Variants in DYNC1H1 observed in about 807,000 individuals in gnomAD.
DYNC1H1 encodes the protein dynein cytoplasmic 1 heavy chain 1.
A neutral mutation model predicts 527.1 loss-of-function variants in DYNC1H1; 51 were observed. The observed-to-expected ratio is 0.10, with a 90% CI of 0.08 to 0.12. The LOEUF (loss-of-function observed/expected upper bound fraction) is 0.12, where lower values mean the gene tolerates loss of function less well. DYNC1H1 is among the 10% of genes least tolerant of loss of function. DYNC1H1 has a pLI of 1.00. For synonymous variants in DYNC1H1, 2,189 were observed against 2,278.8 expected (o/e 0.96, Z 1.12); for missense variants, 2,771 against 5,971.8 (o/e 0.46, Z 17.66).
chr14:102,028,224 C>T (rs2048472065), intron 48 of DYNC1H1, 83 bp downstream of exon 48: 3 of 1,517,880 alleles, frequency 2.0e-6, no homozygotes, highest in Non-Finnish European at 1.8e-6. Context: ...TAAAAATAGA[C>T]CTTAAGGCCA....
chr14:102,036,671 C>CA lies in DYNC1H1; in HGVS notation c.10908+30dup. The CA allele has an allele frequency of 6.2e-7, 1 of 1,613,556 alleles. No individual in the cohort carries two copies. The highest frequency in any genetic ancestry group is 8.5e-7 in the Non-Finnish European group (1 of 1,179,726). On this transcript the variant is annotated intron_variant, in intron 57 of 77. Transcript: ENST00000360184. The surrounding 1 kb of genome is among the most constrained non-coding windows in gnomAD (Gnocchi z 5.6). ...GGTGTTGGCCTTTGAATTCTTGAAA[C>CA]ACTGCATTCAAGAGTGAATTCCTTT...
intron 72 of DYNC1H1, 187 bp from the exon 73 acceptor site, chr14:102,047,620 CGTGTGTGTGT>C (rs71116873): frequency 4.0e-5 from 13 of 324,306 alleles, no homozygotes; most frequent in East Asian, 2.8e-4. Flanking sequence ...TATATATACA[CGTGTGTGTGT>C]GTGTGTGTGT....
rs140098747 is a variant in DYNC1H1, at chr14:102,047,505, C to A, written c.13007-312C>A. The stretch of plus-strand genomic sequence containing the variant: ...TGAGCCAAGGTCACGCCACTGCACT[C>A]CAGTCTGGGTGACAGAGCGAGACTC... On this transcript the variant is annotated intron_variant, in intron 72 of 77. Transcript: ENST00000360184. 1.4e-3 allele frequency among the ~76,000 whole-genome samples: 218 copies of A among 151,718 alleles called. 1 individual carries two copies. Among genetic ancestry groups the A allele is most frequent in the African/African-American group, 5.0e-3 (208 of 41,272 alleles).
chr14:102,029,327 T>A lies in DYNC1H1; in HGVS notation c.9469-212T>A. 3.3e-6 allele frequency: 2 copies of A among 606,072 alleles called. No individual in the cohort carries two copies. The highest frequency in any genetic ancestry group is 5.8e-6 in the Non-Finnish European group (2 of 345,236). The allele number at this position is 606,072 out of a possible 1,614,324, so 37.5% of individuals were successfully genotyped here. ...GTTGGTGTAATCACCATCCTCAGTT[T>A]AGAGAAGTTAAAGGGCTTAGAGAGG... On this transcript the variant is annotated intron_variant, in intron 48 of 77. Coordinates refer to ENST00000360184, the MANE Select transcript of DYNC1H1 (RefSeq NM_001376.5). The surrounding 1 kb of genome is among the most constrained non-coding windows in gnomAD (Gnocchi z 5.3).
rs1313229212 is a variant in DYNC1H1 at position 101,980,106 on chromosome 14, C to CA, written c.774+132_774+133insA. 6.5e-6 allele frequency: 9 copies of CA among 1,394,718 alleles called. No individual in the cohort carries two copies. In the African/African-American group the frequency reaches 1.1e-4, roughly 18 times the overall value. The allele number at this position is 1,394,718 out of a possible 1,614,324, so 86.4% of individuals were successfully genotyped here. ...GTGGTGCCGCCTCTTGGTCCTGGGACTGTCCAGTGCAGGACTAGCCTTGGT... is the reference window on the plus strand; with the variant it reads ...GTGGTGCCGCCTCTTGGTCCTGGGACATGTCCAGTGCAGGACTAGCCTTGGT... On this transcript the variant is annotated intron_variant, in intron 4 of 77. Coordinates refer to ENST00000360184, the MANE Select transcript of DYNC1H1 (RefSeq NM_001376.5).
At chr14:101,969,902 C>T (rs149766008) in intron 1 of DYNC1H1, among the ~76,000 whole-genome samples, 1 of 152,266 alleles carries the variant, frequency 6.6e-6, no homozygotes, top group African/African-American at 2.4e-5. Context: ...AGATTTAGCC[C>T]AGCCCTCATC....
intron 9 of DYNC1H1, 60 bp from the exon 10 acceptor site, chr14:101,988,643 C>T: frequency 9.3e-6 from 15 of 1,611,178 alleles, no homozygotes; most frequent in Non-Finnish European, 1.3e-5. Flanking sequence ...TTCTGATTGA[C>T]TTGCTTTGTG....
Position 102,049,447 on chromosome 14 carries a change from G to T in DYNC1H1, c.13380G>T (p.Leu4460Phe). The change falls in exon 75 of 78, where the codon TTG becomes TTT. Residue 4460 changes from leucine to phenylalanine, a missense_variant. By Grantham distance (22) the Leu-to-Phe change is conservative. This residue lies in a region of DYNC1H1 where 170 missense variants were observed against 249.8 expected (regional missense o/e 0.68). Transcript: ENST00000360184. This position sits in a 1 kb window ranked among gnomAD's most constrained non-coding sequence, Gnocchi z 5.5. ...TLINELVKGILPRSWSHYTVP... is the reference protein window; with the variant it reads ...TLINELVKGIFPRSWSHYTVP... ...TGTGTGCCTTGGCTGCAGGGATCTT[G>T]CCTCGGAGCTGGTCCCACTACACGG... The T allele has an allele frequency of 6.2e-7, 1 of 1,614,094 alleles. No homozygotes were observed. The highest frequency in any genetic ancestry group is 8.5e-7 in the Non-Finnish European group (1 of 1,180,038).
Position 102,015,783 on chromosome 14 carries a change from G to T in DYNC1H1, c.7243-73G>T. On this transcript the variant is annotated intron_variant, in intron 35 of 77. Coordinates refer to ENST00000360184, the MANE Select transcript of DYNC1H1 (RefSeq NM_001376.5). This position sits in a 1 kb window ranked among gnomAD's most constrained non-coding sequence, Gnocchi z 6.9. ...TCCAAGGTCGTATGACCTTCTCCTGGGACCAGGTTAGAATCGATGAAACTC... is the reference window on the plus strand; with the variant it reads ...TCCAAGGTCGTATGACCTTCTCCTGTGACCAGGTTAGAATCGATGAAACTC... 3.3e-6 allele frequency: 5 copies of T among 1,530,356 alleles called. No homozygotes were observed. The highest frequency in any genetic ancestry group is 3.6e-6 in the Non-Finnish European group (4 of 1,117,822). The allele number at this position is 1,530,356 out of a possible 1,614,324, so 94.8% of individuals were successfully genotyped here. A position where few individuals can be genotyped will look rare whatever the true frequency, so the allele number is the denominator to read the frequency against.
chr14:101,987,391 T>A, intron 8 of DYNC1H1, 62 bp from the exon 9 acceptor site: 1 of 1,505,964 alleles, frequency 6.6e-7, no homozygotes, highest in Non-Finnish European at 9.1e-7. Flanking sequence ...AAGAATGTTA[T>A]GTGAGAATAA....
At position 102,044,384 on chromosome 14, in the gene DYNC1H1, C is replaced by G. The variant is rs371160908; in HGVS notation, c.12795C>G (p.Leu4265=). The change falls in exon 71 of 78, where the codon CTC becomes CTG. Residue 4265 remains leucine, a synonymous_variant. Coordinates refer to ENST00000360184, the MANE Select transcript of DYNC1H1 (RefSeq NM_001376.5). This position sits in a 1 kb window ranked among gnomAD's most constrained non-coding sequence, Gnocchi z 7.1. ...ACAACGAGTTTGACCAGCGTCTGCTCAACACCTTCCTGGAGCGCCTGTTCA... is the reference window on the plus strand; with the variant it reads ...ACAACGAGTTTGACCAGCGTCTGCTGAACACCTTCCTGGAGCGCCTGTTCA... The part of the protein sequence containing the change: ...RVDNEFDQRL[L]NTFLERLFTT... 1.2e-6 allele frequency: 2 copies of G among 1,614,156 alleles called. No individual in the cohort carries two copies.
At chr14:101,971,464 C>A (rs1381028514) in intron 1 of DYNC1H1, among the ~76,000 whole-genome samples, 1 of 152,092 alleles carries the variant, frequency 6.6e-6, no homozygotes, top group Admixed American at 6.6e-5. Context: ...CAGTGGCTCA[C>A]GCCTGTAATC....
Position 102,027,657 on chromosome 14 carries a change from G to A in DYNC1H1, c.9087G>A (p.Leu3029=), listed in dbSNP as rs376980258. 6.2e-7 allele frequency: 1 copy of A among 1,614,166 alleles called. No homozygotes were observed. Among genetic ancestry groups the A allele is most frequent in the Non-Finnish European group, 8.5e-7 (1 of 1,180,024 alleles). ...GLFEGDEYAT[L]MTQCKEGAQK... ...TTGAAGGAGACGAGTATGCCACCTT[G>A]ATGACGCAGTGCAAAGAGGGGGCAC... Residue 3029 remains leucine (L), a synonymous_variant, in exon 47 of 78, where the codon TTG becomes TTA. Coordinates refer to ENST00000360184, the MANE Select transcript of DYNC1H1 (RefSeq NM_001376.5). This position sits in a 1 kb window ranked among gnomAD's most constrained non-coding sequence, Gnocchi z 7.7.
rs775825001 is a variant in DYNC1H1 at position 102,002,591 on chromosome 14, C to G, written c.4597C>G (p.Leu1533Val). 7 of 1,614,192 alleles carry G rather than the reference C, an allele frequency of 4.3e-6. No individual in the cohort carries two copies. The Admixed American group carries it at 6.7e-5, about 15-fold the overall frequency. The change falls in exon 22 of 78, where the codon CTC (leucine) becomes GTC (valine). Residue 1533 changes from leucine (L) to valine (V), a missense_variant. Transcript: ENST00000360184. This position sits in a 1 kb window ranked among gnomAD's most constrained non-coding sequence, Gnocchi z 4.4. ...AGATAAGCTGAACAGGATCATGGCT[C>G]TCTTTGATGTGTGGATTGATGTGCA... is the stretch of plus-strand genomic sequence containing the variant. ...WEDKLNRIMA[L>V]FDVWIDVQRR...
intron 28 of DYNC1H1, 123 bp downstream of exon 28, chr14:102,007,231 C>T (rs900595734): frequency 2.1e-6 from 2 of 940,132 alleles, no homozygotes; most frequent in Non-Finnish European, 1.7e-6. Flanking sequence ...TATATGGCCT[C>T]CTGAGTCCTG....
In DYNC1H1 at chr14:102,016,184, T is replaced by C; in HGVS notation, c.7473+98T>C. The C allele has an allele frequency of 6.6e-7, 1 of 1,518,310 alleles. No individual in the cohort carries two copies. The highest frequency in any genetic ancestry group is 8.9e-7 in the Non-Finnish European group (1 of 1,119,442). The allele number at this position is 1,518,310 out of a possible 1,614,324, so 94.1% of individuals were successfully genotyped here. On this transcript the variant is annotated intron_variant, in intron 36 of 77. Transcript: ENST00000360184. The surrounding 1 kb of genome is among the most constrained non-coding windows in gnomAD (Gnocchi z 7.3). The stretch of plus-strand genomic sequence containing the variant: ...TGCACCTGTGGGGATGTGCGCTCTC[T>C]CCTAGGCGAGGCAGAGCCTTCGTTG...
rs1300338057 is a variant in DYNC1H1, at chr14:102,036,659, G to C, written c.10908+17G>C. ...CTGGTCCAGGTTGGTGTTGGCCTTT[G>C]AATTCTTGAAACACTGCATTCAAGA... is the stretch of plus-strand genomic sequence containing the variant. On this transcript the variant is annotated intron_variant, in intron 57 of 77. Coordinates refer to ENST00000360184, the MANE Select transcript of DYNC1H1 (RefSeq NM_001376.5). The surrounding 1 kb of genome is among the most constrained non-coding windows in gnomAD (Gnocchi z 5.6). The C allele has an allele frequency of 1.2e-6, 2 of 1,613,736 alleles. No homozygotes were observed. The highest frequency in any genetic ancestry group is 2.7e-5 in the African/African-American group (2 of 74,918).
chr14:101,995,843 C>T (rs569367868), intron 15 of DYNC1H1, among the ~76,000 whole-genome samples: 16 of 152,082 alleles, frequency 1.1e-4, no homozygotes, highest in Non-Finnish European at 1.8e-4. Flanking sequence ...GGCAGATCAC[C>T]TGAAGTCAGG....
At position 102,048,477 on chromosome 14, in the gene DYNC1H1, C is replaced by T. The variant is rs766752311; in HGVS notation, c.13219-39C>T. 3.7e-6 allele frequency: 6 copies of T among 1,613,732 alleles called. No homozygotes were observed. The South Asian group carries it at 5.5e-5, about 15-fold the overall frequency. ...TTGACCTTTACACTGGAGAAAGGAC[C>T]TCTTCCTAACTTCTCTTCACCCTTT... On this transcript the variant is annotated intron_variant, in intron 73 of 77. Coordinates refer to ENST00000360184, the MANE Select transcript of DYNC1H1 (RefSeq NM_001376.5).
Sources: allele counts gnomAD v4.1 joint callset (sites outside exome capture counted in the v4.1 genomes callset), GRCh38; gene constraint gnomAD v4.1.1; regional missense constraint gnomAD v4.1.1; non-coding constraint Gnocchi (gnomAD v3.1); transcripts MANE v1.5; gene names NCBI Gene and HGNC (gene_info 2026-07-23, HGNC 2026-07-21).